SLC1A7: variants seen among roughly 807,000 people sequenced by gnomAD.
The protein encoded by SLC1A7 is solute carrier family 1 member 7, also known as excitatory amino acid transporter 5.
In SLC1A7, 40 loss-of-function variants were observed where a neutral mutation model predicts 47.7. The observed-to-expected ratio is 0.84, with a 90% CI of 0.65 to 1.09. The LOEUF is 1.09. Among genes scored for constraint, SLC1A7 ranks in the 50% least tolerant of loss-of-function variants. The probability of loss-of-function intolerance (pLI) is 0.00; values close to 1 mark genes in which losing one functional copy is unlikely to be tolerated. For missense variants in SLC1A7, 746 were observed against 769.5 expected (o/e 0.97, Z 0.36); for synonymous variants, 323 against 325.6 (o/e 0.99, Z 0.09).
In SLC1A7 at chr1:53,090,626, C is replaced by G. The variant is rs774679174; in HGVS notation, c.1212G>C (p.Gln404His). The G allele has an allele frequency of 6.3e-7, 1 of 1,592,888 alleles. No homozygotes were observed. The highest frequency in any genetic ancestry group is 8.6e-7 in the Non-Finnish European group (1 of 1,166,226). The change falls in exon 8 of 11, where the codon CAG becomes CAC. Residue 404 changes from glutamine (Q) to histidine (H), a missense_variant. Transcript: ENST00000371494. ...QVNNYELDFG[Q>H]IITISITATA... ...TCAGGGTGCACCTGATGGTGATGAT[C>G]TGGCCAAAGTCCAGCTCGTAGTTGT...
chr1:53,101,339 C>T (rs988320333), intron 5 of SLC1A7, among the ~76,000 whole-genome samples: 27 of 100,384 alleles, frequency 2.7e-4, no homozygotes, highest in South Asian at 3.4e-4. Context: ...CACCCCTCCT[C>T]GGTACACTCG....
intron 2 of SLC1A7, among the ~76,000 whole-genome samples, chr1:53,124,174 A>G (rs926850971): frequency 3.3e-5 from 5 of 152,220 alleles, no homozygotes; most frequent in African/African-American, 4.8e-5. Flanking sequence ...TCTCTGGCCA[A>G]ACATGATTTC....
intron 2 of SLC1A7, among the ~76,000 whole-genome samples, chr1:53,119,840 T>C (rs1235997616): frequency 6.6e-6 from 1 of 151,868 alleles, no homozygotes; most frequent in East Asian, 1.9e-4. Flanking sequence ...GAGTGGGAGG[T>C]TCCATGAGGA....
At chr1:53,099,635 T>C (rs1336583519) in intron 5 of SLC1A7, among the ~76,000 whole-genome samples, 2 of 146,896 alleles carry the variant, frequency 1.4e-5, no homozygotes, top group Admixed American at 6.8e-5. Context: ...CTTGGTACAC[T>C]CACACACCCC....
chr1:53,131,777 G>A (rs191770266), intron 2 of SLC1A7, among the ~76,000 whole-genome samples: 77 of 152,336 alleles, frequency 5.1e-4, no homozygotes, highest in Admixed American at 4.6e-3. Context: ...GAGTAGCCTC[G>A]TTAACTTTGC....
At chr1:53,123,905 T>A (rs1235512368) in intron 2 of SLC1A7, among the ~76,000 whole-genome samples, 1 of 152,178 alleles carries the variant, frequency 6.6e-6, no homozygotes, top group Non-Finnish European at 1.5e-5. Context: ...CTCGCCAAAC[T>A]GTGGCTACCC....
chr1:53,093,488 A>AC lies in SLC1A7; in HGVS notation c.769dup (p.Val257GlyfsTer23). ...CACAGCCACCGCCACGATCTTCATG[A>AC]CCGACTCATTGAGGCACTGGCAGAA... is the stretch of plus-strand genomic sequence containing the variant. On this transcript the variant is annotated frameshift_variant, in exon 6 of 11. Transcript: ENST00000371494. LOFTEE classifies it high-confidence loss of function. 6.2e-7 allele frequency: 1 copy of AC among 1,611,218 alleles called. No individual in the cohort carries two copies. The highest frequency in any genetic ancestry group is 8.5e-7 in the Non-Finnish European group (1 of 1,179,804).
intron 3 of SLC1A7, among the ~76,000 whole-genome samples, chr1:53,113,293 C>A (rs940398483): frequency 6.6e-6 from 1 of 152,132 alleles, no homozygotes; most frequent in Non-Finnish European, 1.5e-5. Flanking sequence ...ACCTGTCCTG[C>A]AAGAGCCCCT....
intron 2 of SLC1A7, among the ~76,000 whole-genome samples, chr1:53,132,182 C>A (rs564643200): frequency 1.3e-5 from 2 of 152,154 alleles, no homozygotes; most frequent in Non-Finnish European, 2.9e-5. Flanking sequence ...GTTGATTCTA[C>A]ATGTCATGGA....
intron 2 of SLC1A7, among the ~76,000 whole-genome samples, chr1:53,131,418 G>T (rs1017274686): frequency 1.3e-5 from 2 of 152,238 alleles, no homozygotes; most frequent in Non-Finnish European, 2.9e-5. Context: ...TGGCCTCTAA[G>T]GTGCCTCTGT....
At chr1:53,105,874 G>A (rs1262162689) in intron 3 of SLC1A7, 100 bp from the exon 4 acceptor site, 8 of 951,168 alleles carry the variant, frequency 8.4e-6, no homozygotes, top group African/African-American at 3.3e-5. Flanking sequence ...TTTGGTGGTC[G>A]GGCCTTCCTC....
intron 2 of SLC1A7, among the ~76,000 whole-genome samples, chr1:53,126,543 G>A (rs951380016): frequency 6.6e-6 from 1 of 152,196 alleles, no homozygotes; most frequent in Non-Finnish European, 1.5e-5. Context: ...TGCATGGTAA[G>A]CCCACAGAGA....
chr1:53,107,857 G>A (rs576888959), intron 3 of SLC1A7: 10 of 152,332 alleles, frequency 6.6e-5, no homozygotes, highest in African/African-American at 1.9e-4. Flanking sequence ...ACAAAAACCC[G>A]ACAGGAAAAC....
At chr1:53,096,507 C>T (rs1211122030) in intron 5 of SLC1A7, among the ~76,000 whole-genome samples, 1 of 151,338 alleles carries the variant, frequency 6.6e-6, no homozygotes, top group Non-Finnish European at 1.5e-5. Context: ...CACCTCGGTA[C>T]ACTCACACGC....
Position 53,090,595 on chromosome 1 carries a change from G to T in SLC1A7, c.1226+17C>A, listed in dbSNP as rs1470014518. The T allele has an allele frequency of 1.3e-6, 2 of 1,559,524 alleles. No homozygotes were observed. The highest frequency in any genetic ancestry group is 4.5e-5 in the East Asian group (2 of 44,018). ...CAGCCCCCGCCCCATCCACCCAGGT[G>T]CAGTGTCAGGGTGCACCTGATGGTG... is the stretch of plus-strand genomic sequence containing the variant. On this transcript the variant is annotated intron_variant, in intron 8 of 10. Transcript: ENST00000371494.
chr1:53,090,066 C>A, intron 8 of SLC1A7, 132 bp from the exon 9 acceptor site: 1 of 908,046 alleles, frequency 1.1e-6, no homozygotes, highest in South Asian at 1.5e-5. Context: ...GGTAGGAATG[C>A]CACACCAGGG....
Position 53,131,821 on chromosome 1 carries a change from T to C in SLC1A7, c.215+2529A>G, listed in dbSNP as rs11206105. Among the ~76,000 whole-genome samples, 262 of 152,288 alleles carry C rather than the reference T, an allele frequency of 1.7e-3. 2 individuals are homozygous for C. The highest frequency in any genetic ancestry group is 6.1e-3 in the African/African-American group (252 of 41,544). ...CAGCCCAGTGGATAAAGAAACCAGT[T>C]AACAAGTGAATGCATATAGAATGAC... is the stretch of plus-strand genomic sequence containing the variant. On this transcript the variant is annotated intron_variant, in intron 2 of 10. Coordinates refer to ENST00000371494, the MANE Select transcript of SLC1A7 (RefSeq NM_006671.6).
Position 53,087,631 on chromosome 1 carries a change from AG to A in SLC1A7, c.*377del. On this transcript the variant is annotated 3_prime_UTR_variant, in exon 11 of 11. Transcript: ENST00000371494. ...TCCAAGAGGAGAGGCGGGGCTTGAA[AG>A]ATTTGAGTTAGTGTCTTGACCTTAA... The A allele has an allele frequency of 6.3e-6, 1 of 159,070 alleles. No individual in the cohort carries two copies. The highest frequency in any genetic ancestry group is 1.4e-5 in the Non-Finnish European group (1 of 72,656). 9.9% of individuals were successfully genotyped at this position (159,070 alleles called of 1,614,324 possible). A position where few individuals can be genotyped will look rare whatever the true frequency, so the allele number is the denominator to read the frequency against.
In SLC1A7 at chr1:53,103,242, T is replaced by A. The variant is rs1473751692; in HGVS notation, c.697+104A>T. 6.0e-6 allele frequency: 5 copies of A among 830,522 alleles called. No individual in the cohort carries two copies. The East Asian group carries it at 1.4e-4, about 23-fold the overall frequency. 51.4% of individuals were successfully genotyped at this position (830,522 alleles called of 1,614,324 possible). On this transcript the variant is annotated intron_variant, in intron 5 of 10. Coordinates refer to ENST00000371494, the MANE Select transcript of SLC1A7 (RefSeq NM_006671.6). ...TTTCCAGTTTTTCACAGTAAACCTC[T>A]CCAGCATTCTCCCCAGACCTCAGTA...
Sources: gnomAD v4.1 joint callset for allele counts (sites outside exome capture counted in the v4.1 genomes callset) on GRCh38, gnomAD v4.1.1 for gene constraint, MANE v1.5 for transcripts, NCBI Gene and HGNC (gene_info 2026-07-23, HGNC 2026-07-21) for gene names.